Variants in SLC30A9 observed in about 807,000 individuals in gnomAD.
SLC30A9 encodes solute carrier family 30 member 9.
Under a neutral mutation model 87.5 loss-of-function variants are expected in SLC30A9, and 58 were observed. The observed-to-expected ratio is 0.66, with a 90% CI of 0.54 to 0.82. The LOEUF is 0.82. Ranked by LOEUF, SLC30A9 falls within the 40% of genes least tolerant of loss-of-function variation. The probability of loss-of-function intolerance (pLI) is 0.00; values close to 1 mark genes in which losing one functional copy is unlikely to be tolerated. For missense variants in SLC30A9, 557 were observed against 679.1 expected (o/e 0.82, Z 2.00); for synonymous variants, 234 against 233.0 (o/e 1.00, Z -0.04).
At chr4:42,054,355 A>G (rs1446603402) in intron 9 of SLC30A9, among the ~76,000 whole-genome samples, 1 of 152,148 alleles carries the variant, frequency 6.6e-6, no homozygotes, top group Non-Finnish European at 1.5e-5. Context: ...TAGACATCTC[A>G]AAACAAAAAC....
chr4:42,066,395 G>A (rs1191325955), intron 12 of SLC30A9, among the ~76,000 whole-genome samples, 155 bp from the exon 13 acceptor site: 1 of 152,150 alleles, frequency 6.6e-6, no homozygotes, highest in African/African-American at 2.4e-5. Flanking sequence ...TTATTATAAT[G>A]ATTAATTGAT....
chr4:42,082,546 C>A (rs1327199470), intron 17 of SLC30A9, among the ~76,000 whole-genome samples: 2 of 152,034 alleles, frequency 1.3e-5, no homozygotes, highest in African/African-American at 4.8e-5. Context: ...ATATTTTTGG[C>A]TTAAAATTCC....
At chr4:41,997,268 A>G (rs10517020) in intron 1 of SLC30A9, among the ~76,000 whole-genome samples, 7,321 of 152,020 alleles carry the variant, frequency 0.048, 248 homozygotes, top group African/African-American at 0.077. Context: ...TGCTTGCTAC[A>G]TGATTAAGGA....
At chr4:42,082,078 G>A (rs545699837) in intron 17 of SLC30A9, among the ~76,000 whole-genome samples, 22 of 152,118 alleles carry the variant, frequency 1.4e-4, no homozygotes, top group South Asian at 1.2e-3. Flanking sequence ...TTAGCCGGGC[G>A]TGGTGGCAGG....
At chr4:42,080,566 T>C (rs1229328978) in intron 17 of SLC30A9, among the ~76,000 whole-genome samples, 1 of 152,228 alleles carries the variant, frequency 6.6e-6, no homozygotes, top group Non-Finnish European at 1.5e-5. Flanking sequence ...TGAGGCTCCA[T>C]AGTTGACTGC....
chr4:41,999,206 G>A (rs1389027779), intron 1 of SLC30A9, among the ~76,000 whole-genome samples: 2 of 152,172 alleles, frequency 1.3e-5, no homozygotes, highest in African/African-American at 4.8e-5. Flanking sequence ...AGGACCTTGG[G>A]TAATTAACGT....
chr4:42,028,221 G>A (rs554758202), intron 6 of SLC30A9, among the ~76,000 whole-genome samples: 2 of 152,322 alleles, frequency 1.3e-5, no homozygotes, highest in African/African-American at 4.8e-5. Context: ...GGGTTCAAGT[G>A]ATTCTCCTGC....
chr4:42,076,848 G>C (rs1241258088), intron 16 of SLC30A9, among the ~76,000 whole-genome samples: 1 of 151,812 alleles, frequency 6.6e-6, no homozygotes. Flanking sequence ...TGTAGTCCCA[G>C]CTACTCGGCA....
intron 9 of SLC30A9, among the ~76,000 whole-genome samples, chr4:42,057,399 G>A (rs1717666928): frequency 6.6e-6 from 1 of 152,152 alleles, no homozygotes; most frequent in South Asian, 2.1e-4. Context: ...CTTGACTTCT[G>A]TGCACCCACA....
intron 9 of SLC30A9, among the ~76,000 whole-genome samples, chr4:42,056,379 C>A (rs900388978): frequency 3.3e-5 from 5 of 152,122 alleles, no homozygotes; most frequent in African/African-American, 1.2e-4. Flanking sequence ...GGCAGGCTCA[C>A]AATCATGGTG....
chr4:42,019,651 A>G (rs987121253), intron 3 of SLC30A9, among the ~76,000 whole-genome samples: 2 of 152,192 alleles, frequency 1.3e-5, no homozygotes, highest in African/African-American at 4.8e-5. Flanking sequence ...ATAGATTAGT[A>G]TATGTAAATG....
chr4:42,022,937 A>G lies in SLC30A9; in HGVS notation c.527+7A>G. ...GATCAGATGTGGAAGCAAAGTAAGA[A>G]CATAGTTCTTTCAGAATAAAAGTGC... is the stretch of plus-strand genomic sequence containing the variant. On this transcript the variant is annotated splice_region_variant and intron_variant, in intron 5 of 17. Transcript: ENST00000264451. 5 of 1,486,592 alleles carry G rather than the reference A, an allele frequency of 3.4e-6. No individual in the cohort carries two copies. The highest frequency in any genetic ancestry group is 4.6e-6 in the Non-Finnish European group (5 of 1,089,664). 92.1% of individuals were successfully genotyped at this position (1,486,592 alleles called of 1,614,324 possible). A position where few individuals can be genotyped will look rare whatever the true frequency, so the allele number is the denominator to read the frequency against.
intron 10 of SLC30A9, among the ~76,000 whole-genome samples, chr4:42,061,101 A>C (rs1273175816): frequency 6.6e-6 from 1 of 152,178 alleles, no homozygotes; most frequent in African/African-American, 2.4e-5. Context: ...TTAAAAACAG[A>C]AGGTACAAAT....
At chr4:42,037,065 AT>A (rs11306196) in intron 7 of SLC30A9, among the ~76,000 whole-genome samples, 91,356 of 151,408 alleles carry the variant, frequency 0.6, 32,883 homozygotes, top group East Asian at 0.95. Context: ...TTTTGAAATG[AT>A]TTTTTTTTGC....
At position 42,011,958 on chromosome 4, in the gene SLC30A9, G is replaced by A. The variant is rs117099073; in HGVS notation, c.275-6153G>A. Among the ~76,000 whole-genome samples the A allele has an allele frequency of 1.2e-4, 19 of 152,186 alleles. No homozygotes were observed. The East Asian group carries it at 3.7e-3, about 29-fold the overall frequency. On this transcript the variant is annotated intron_variant, in intron 2 of 17. Coordinates refer to ENST00000264451, the MANE Select transcript of SLC30A9 (RefSeq NM_006345.4). ...AATTCAGTCTGAAGGCACATAGGAA[G>A]GCAAAAAGATATTCCAAAAATTGAA... is the stretch of plus-strand genomic sequence containing the variant.
At position 42,065,358 on chromosome 4, in the gene SLC30A9, T is replaced by C. The variant is rs1718039627; in HGVS notation, c.1072+9T>C. On this transcript the variant is annotated intron_variant, in intron 12 of 17. Transcript: ENST00000264451. Reference sequence around the variant, plus strand: ...ATTAGTATCTGAAGGAGGTATGTACTGTCACAAAGTATGTCTCTATTCTTA... The same window carrying C: ...ATTAGTATCTGAAGGAGGTATGTACCGTCACAAAGTATGTCTCTATTCTTA... 7.0e-6 allele frequency: 9 copies of C among 1,293,160 alleles called. No individual in the cohort carries two copies. Among genetic ancestry groups the C allele is most frequent in the African/African-American group, 1.5e-5 (1 of 68,748 alleles). The allele number at this position is 1,293,160 out of a possible 1,614,324, so 80.1% of individuals were successfully genotyped here.
intron 17 of SLC30A9, among the ~76,000 whole-genome samples, chr4:42,085,037 C>T (rs898162867): frequency 8.5e-5 from 13 of 152,180 alleles, no homozygotes; most frequent in African/African-American, 1.9e-4. Context: ...TTTTTAACAA[C>T]CTGATTTCTG....
chr4:42,045,629 A>G (rs1717118752), intron 8 of SLC30A9, among the ~76,000 whole-genome samples: 1 of 151,654 alleles, frequency 6.6e-6, no homozygotes, highest in Non-Finnish European at 1.5e-5. Flanking sequence ...TCACAGCCAA[A>G]TTCTACCAGA....
chr4:42,045,947 GTAATCCATTAAA>G (rs1251541809), intron 8 of SLC30A9, among the ~76,000 whole-genome samples: 1 of 152,062 alleles, frequency 6.6e-6, no homozygotes, highest in Non-Finnish European at 1.5e-5. Context: ...AATAATAAAT[GTAATCCATTAAA>G]TAAACAGAAC....
Sources: allele counts gnomAD v4.1 joint callset (sites outside exome capture counted in the v4.1 genomes callset), GRCh38; gene constraint gnomAD v4.1.1; transcripts MANE v1.5; gene names NCBI Gene and HGNC (gene_info 2026-07-23, HGNC 2026-07-21).